The following LMF1 variants were observed in gnomAD, a reference collection of about 807,000 sequenced individuals.
The protein encoded by LMF1 is lipase maturation factor 1.
Under a neutral mutation model 60.6 loss-of-function variants are expected in LMF1, and 68 were observed. The observed-to-expected ratio is 1.12, with a 90% CI of 0.92 to 1.37. The LOEUF is 1.37. Ranked by LOEUF, LMF1 falls within the 40% of genes most tolerant of loss-of-function variation. LMF1 has a pLI of 0.00. For missense variants in LMF1, 948 were observed against 767.2 expected (o/e 1.24, Z -2.78); for synonymous variants, 418 against 324.7 (o/e 1.29, Z -3.09).
chr16:870,207 C>T, intron 8 of LMF1, 141 bp from the exon 9 acceptor site: 1 of 957,578 alleles, frequency 1.0e-6, no homozygotes, highest in Non-Finnish European at 1.5e-6. Flanking sequence ...TGGTCAGGGG[C>T]TACTGAGAGG....
chr16:951,196 G>A (rs1000944276), intron 2 of LMF1, among the ~76,000 whole-genome samples: 14 of 149,070 alleles, frequency 9.4e-5, no homozygotes, highest in African/African-American at 3.5e-4. Flanking sequence ...GTCAGCCAAC[G>A]ACAGAGTCAG....
chr16:870,119 G>A, intron 8 of LMF1, 53 bp from the exon 9 acceptor site: 1 of 1,566,508 alleles, frequency 6.4e-7, no homozygotes, highest in South Asian at 1.2e-5. Context: ...GCTGGGCCGA[G>A]TGGGGTGCAT....
upstream of LMF1, among the ~76,000 whole-genome samples, chr16:972,962 C>T (rs2073078367): frequency 6.6e-6 from 1 of 152,330 alleles, no homozygotes; most frequent in East Asian, 1.9e-4. Context: ...TCACCGGGGG[C>T]AGGGCTTGGG....
chr16:943,996 G>C (rs1219479961), intron 2 of LMF1, among the ~76,000 whole-genome samples: 1 of 152,214 alleles, frequency 6.6e-6, no homozygotes, highest in Admixed American at 6.5e-5. Context: ...GAATGAGTCT[G>C]TCTGGTAAGC....
At chr16:907,674 G>A (rs998528129) in intron 4 of LMF1, among the ~76,000 whole-genome samples, 13 of 152,274 alleles carry the variant, frequency 8.5e-5, no homozygotes, top group African/African-American at 2.4e-4. Context: ...ACCCAAGTGC[G>A]CGAGCGGGGG....
intron 3 of LMF1, among the ~76,000 whole-genome samples, chr16:912,466 C>A (rs2071150127): frequency 6.6e-6 from 1 of 152,210 alleles, no homozygotes; most frequent in Admixed American, 6.5e-5. Context: ...GACTGTAACC[C>A]AAAGTACAAA....
chr16:952,843 C>T (rs1282734097), intron 2 of LMF1, among the ~76,000 whole-genome samples: 4 of 139,698 alleles, frequency 2.9e-5, no homozygotes, highest in Admixed American at 7.0e-5. Flanking sequence ...TCCTACACGT[C>T]CACACAGACA....
chr16:942,679 T>C (rs1304892840), intron 2 of LMF1, among the ~76,000 whole-genome samples: 1 of 140,210 alleles, frequency 7.1e-6, no homozygotes, highest in African/African-American at 2.7e-5. Context: ...TGCCCCATTC[T>C]CTGTGTCCTC....
intron 1 of LMF1, chr16:968,468 C>G (rs2072972532): frequency 6.6e-6 from 1 of 152,190 alleles, no homozygotes; most frequent in South Asian, 2.1e-4. Context: ...GCCCCTATGG[C>G]AACTTGGAAA....
chr16:860,118 T>G (rs1255867872), intron 10 of LMF1, among the ~76,000 whole-genome samples: 1 of 151,900 alleles, frequency 6.6e-6, no homozygotes, highest in Non-Finnish European at 1.5e-5. Flanking sequence ...TTATGAAACT[T>G]CTTTACATAT....
rs2072456472 is a variant in LMF1 at position 951,200 on chromosome 16, G to A, written c.503+3157C>T. Among the ~76,000 whole-genome samples, 3 of 151,084 alleles carry A rather than the reference G, an allele frequency of 2.0e-5. No individual in the cohort carries two copies. In the South Asian group the frequency reaches 6.3e-4, roughly 32 times the overall value. ...AGCCAACAACAGTCAGCCAACGACAGAGTCAGCCAATGACAGAGTCAGCTG... is the reference window on the plus strand; with the variant it reads ...AGCCAACAACAGTCAGCCAACGACAAAGTCAGCCAATGACAGAGTCAGCTG... On this transcript the variant is annotated intron_variant, in intron 2 of 10. Transcript: ENST00000262301.
At chr16:869,519 G>C (rs1466484311) in intron 9 of LMF1, 1 of 562,136 alleles carries the variant, frequency 1.8e-6, no homozygotes, top group Non-Finnish European at 3.4e-6. Context: ...GCAGCGGTTG[G>C]GCTCAATCGA....
chr16:854,496 A>G lies in LMF1; in HGVS notation c.*36T>C. On this transcript the variant is annotated 3_prime_UTR_variant, in exon 11 of 11. Transcript: ENST00000262301. ...AAGGGCAAACGTTGCTGAGCCGCCG[A>G]GGGGCTGGGTCTTCGCCTTTATTTC... 1 of 1,586,170 alleles carries G rather than the reference A, an allele frequency of 6.3e-7. No individual in the cohort carries two copies. Among genetic ancestry groups the G allele is most frequent in the South Asian group, 1.1e-5 (1 of 88,126 alleles).
chr16:892,426 C>T (rs562462035), intron 5 of LMF1, among the ~76,000 whole-genome samples: 11 of 152,188 alleles, frequency 7.2e-5, no homozygotes, highest in African/African-American at 2.4e-4. Context: ...CCAGCCCCCA[C>T]GTGAACACGT....
intron 5 of LMF1, among the ~76,000 whole-genome samples, chr16:889,564 G>A (rs186416150): frequency 0.046 from 7,064 of 152,218 alleles, 564 homozygotes; most frequent in African/African-American, 0.16. Flanking sequence ...GGCTCCTGAA[G>A]AGGCTCAGCG....
At chr16:978,820 T>G (rs2073251880) in intron 1 of LMF1, among the ~76,000 whole-genome samples, 1 of 151,794 alleles carries the variant, frequency 6.6e-6, no homozygotes, top group Admixed American at 6.6e-5. Flanking sequence ...GACTCAGAGG[T>G]GGCTCTGATG....
chr16:955,680 G>A (rs552751479), intron 1 of LMF1, among the ~76,000 whole-genome samples: 1 of 152,352 alleles, frequency 6.6e-6, no homozygotes, highest in Admixed American at 6.5e-5. Flanking sequence ...TGCAGCAGAT[G>A]CAGTGTGTAT....
At position 869,044 on chromosome 16, in the gene LMF1, T is replaced by C; in HGVS notation, c.1429A>G (p.Asn477Asp). 6.2e-7 allele frequency: 1 copy of C among 1,611,590 alleles called. No homozygotes were observed. The highest frequency in any genetic ancestry group is 8.5e-7 in the Non-Finnish European group (1 of 1,178,732). Residue 477 changes from asparagine (N) to aspartate (D), a missense_variant, in exon 10 of 11, where the codon AAC (asparagine) becomes GAC (aspartate). Coordinates refer to ENST00000262301, the MANE Select transcript of LMF1 (RefSeq NM_022773.4). ...WFAAFQTYEH[N>D]DWIIHLAGKL... is the part of the protein sequence containing the mutation. ...CCAGCCAGGTGGATGATCCAGTCGT[T>C]GTGCTCGTAGGTCTGGGAGGAGAGG...
intron 3 of LMF1, among the ~76,000 whole-genome samples, chr16:919,342 C>T (rs2071366440): frequency 1.3e-5 from 2 of 152,156 alleles, no homozygotes; most frequent in Admixed American, 1.3e-4. Flanking sequence ...CCCACATGCC[C>T]GCGGCAGGGG....
Sources: gnomAD v4.1 joint callset for allele counts (sites outside exome capture counted in the v4.1 genomes callset) on GRCh38, gnomAD v4.1.1 for gene constraint, MANE v1.5 for transcripts, NCBI Gene and HGNC (gene_info 2026-07-23, HGNC 2026-07-21) for gene names.